The following KYNU variants were observed in gnomAD, a reference collection of about 807,000 sequenced individuals.
KYNU encodes the protein kynureninase.
A neutral mutation model predicts 59.2 loss-of-function variants in KYNU; 54 were observed. The ratio of observed to expected loss-of-function variants is 0.91; its 90% CI spans 0.73 to 1.14. The LOEUF is 1.14. Ranked by LOEUF, KYNU falls within the 50% of genes most tolerant of loss-of-function variation. The pLI, the probability that KYNU is intolerant of heterozygous loss-of-function variation, is 0.00. For missense variants in KYNU, 567 were observed against 554.4 expected, an observed-to-expected ratio of 1.02 and a Z score of -0.23; for synonymous variants, 177 against 192.0, an observed-to-expected ratio of 0.92 and a Z score of 0.65.
At chr2:142,943,964 T>G (rs1001172231) in intron 4 of KYNU, among the ~76,000 whole-genome samples, 2 of 152,320 alleles carry the variant, frequency 1.3e-5, no homozygotes, top group Admixed American at 1.3e-4. Context: ...TCTTATCCAA[T>G]GGTAAACAGC....
chr2:143,008,393 C>T (rs1685981290), intron 10 of KYNU, among the ~76,000 whole-genome samples: 1 of 61,546 alleles, frequency 1.6e-5, no homozygotes, highest in Non-Finnish European at 2.9e-5. Context: ...TACAGGAGCA[C>T]CCAGATTCAT....
chr2:143,006,171 G>C (rs1303509005), intron 10 of KYNU, among the ~76,000 whole-genome samples: 2 of 152,106 alleles, frequency 1.3e-5, no homozygotes. Flanking sequence ...GGGAGTGCCA[G>C]ACAGTGGGCG....
At chr2:142,971,254 C>T (rs1684711521) in intron 8 of KYNU, 1 of 152,114 alleles carries the variant, frequency 6.6e-6, no homozygotes, top group South Asian at 2.1e-4. Context: ...ACTGAGCCCA[C>T]CATTGAAGCC....
intron 2 of KYNU, among the ~76,000 whole-genome samples, chr2:142,887,157 G>A (rs1347709280): frequency 1.6e-5 from 2 of 121,252 alleles, no homozygotes; most frequent in Non-Finnish European, 3.4e-5. Flanking sequence ...GCGACAGTCC[G>A]AGGCTCCATC....
At chr2:142,892,193 G>A (rs112516744) in intron 2 of KYNU, among the ~76,000 whole-genome samples, 2,474 of 152,316 alleles carry the variant, frequency 0.016, 66 homozygotes, top group African/African-American at 0.056. Context: ...GATTACAGGC[G>A]TCAGCCGCCA....
chr2:142,923,962 C>T (rs973408039), intron 3 of KYNU, among the ~76,000 whole-genome samples: 15 of 152,174 alleles, frequency 9.9e-5, no homozygotes, highest in African/African-American at 2.9e-4. Context: ...ATGTAGATGC[C>T]TCCTTCAGAC....
At chr2:143,012,075 A>G (rs1302340846) in intron 10 of KYNU, among the ~76,000 whole-genome samples, 36 of 151,794 alleles carry the variant, frequency 2.4e-4, no homozygotes, top group Admixed American at 2.4e-3. Context: ...AAAAAAAAAA[A>G]AAAGAAAATA....
At chr2:143,014,109 C>T (rs180841751) in intron 10 of KYNU, among the ~76,000 whole-genome samples, 56 of 152,364 alleles carry the variant, frequency 3.7e-4, no homozygotes, top group African/African-American at 1.3e-3. Context: ...ATTCTCCTAA[C>T]ATTCCTACAC....
intron 10 of KYNU, among the ~76,000 whole-genome samples, chr2:143,019,529 T>G (rs1354030503): frequency 6.6e-6 from 1 of 152,142 alleles, no homozygotes; most frequent in East Asian, 1.9e-4. Flanking sequence ...GAATAATCTT[T>G]TTAATGTGTT....
chr2:142,904,039 T>C (rs574809091), intron 2 of KYNU, among the ~76,000 whole-genome samples: 7 of 152,314 alleles, frequency 4.6e-5, no homozygotes, highest in South Asian at 4.1e-4. Context: ...CCAAGTTCAA[T>C]AGGGTTTCTA....
chr2:143,021,314 TG>T lies in KYNU; in HGVS notation c.903-8312del, dbSNP rs1380484092. Among the ~76,000 whole-genome samples the T allele has an allele frequency of 4.5e-4, 68 of 152,298 alleles. 2 individuals carry two copies. The highest frequency in any genetic ancestry group is 1.6e-3 in the African/African-American group (65 of 41,576). ...TTTATTAATATAATGAGTTATATAT[TG>T]TTTTTTAGAGATTTCTTAATATTAT... On this transcript the variant is annotated intron_variant, in intron 10 of 13. Transcript: ENST00000264170.
chr2:142,878,046 G>A (rs1191824018), intron 1 of KYNU, among the ~76,000 whole-genome samples: 1 of 152,088 alleles, frequency 6.6e-6, no homozygotes, highest in African/African-American at 2.4e-5. Flanking sequence ...TTGAGTTTAA[G>A]CGGTAAGATT....
At chr2:142,998,557 C>G (rs895975302) in intron 10 of KYNU, among the ~76,000 whole-genome samples, 3 of 152,128 alleles carry the variant, frequency 2.0e-5, no homozygotes, top group Non-Finnish European at 4.4e-5. Flanking sequence ...AAGACTTGAA[C>G]TTGTAACAGA....
chr2:143,028,243 C>CTTTTTTTTTTTTTTTTT (rs754504556), intron 10 of KYNU, among the ~76,000 whole-genome samples: 5 of 90,430 alleles, frequency 5.5e-5, no homozygotes, highest in East Asian at 3.2e-4. Context: ...ATTTTACATT[C>CTTTTTTTTTTTTTTTTT]TTTTTTTTTT....
At chr2:142,975,608 A>G (rs1171809016) in intron 8 of KYNU, among the ~76,000 whole-genome samples, 1 of 152,194 alleles carries the variant, frequency 6.6e-6, no homozygotes, top group East Asian at 1.9e-4. Flanking sequence ...CCCTGGCCCC[A>G]GCACACACTC....
chr2:142,999,850 G>A (rs1042820328), intron 10 of KYNU, among the ~76,000 whole-genome samples: 5 of 152,158 alleles, frequency 3.3e-5, no homozygotes, highest in East Asian at 1.9e-4. Flanking sequence ...TCTTGTTATA[G>A]TAATCCACTT....
At chr2:142,937,805 C>T (rs1273649150) in intron 4 of KYNU, among the ~76,000 whole-genome samples, 3 of 152,178 alleles carry the variant, frequency 2.0e-5, no homozygotes, top group Non-Finnish European at 4.4e-5. Context: ...ATTTAGGTAA[C>T]AGTTCATGAT....
chr2:143,005,768 T>C (rs1685860303), intron 10 of KYNU, among the ~76,000 whole-genome samples: 1 of 151,928 alleles, frequency 6.6e-6, no homozygotes, highest in Non-Finnish European at 1.5e-5. Flanking sequence ...AAAACCACAA[T>C]TACTTTCGCA....
chr2:143,026,738 T>TGTCCGCAGTCCGCAGTCCGCA (rs138438909), intron 10 of KYNU, among the ~76,000 whole-genome samples: 1 of 87,734 alleles, frequency 1.1e-5, no homozygotes, highest in African/African-American at 7.1e-5. Flanking sequence ...TTAGCTCTGC[T>TGTCCGCAGTCCGCAGTCCGCA]GTCCGCAGTC....
Sources: allele counts gnomAD v4.1 joint callset (sites outside exome capture counted in the v4.1 genomes callset), GRCh38; gene constraint gnomAD v4.1.1; transcripts MANE v1.5; gene names NCBI Gene and HGNC (gene_info 2026-07-23, HGNC 2026-07-21).